Variants in LRRK2 observed in about 807,000 individuals in gnomAD.
The protein encoded by LRRK2 is leucine-rich repeat serine/threonine-protein kinase 2.
LRRK2 carries 203 observed loss-of-function variants against 302.6 expected under a neutral mutation model. The observed-to-expected ratio is 0.67, with a 90% CI of 0.60 to 0.75. The LOEUF (loss-of-function observed/expected upper bound fraction) is 0.75. Among genes scored for constraint, LRRK2 ranks in the 30% least tolerant of loss-of-function variants. The pLI, the probability that LRRK2 is intolerant of heterozygous loss-of-function variation, is 0.00. For missense variants in LRRK2, 2,830 were observed against 2,951.0 expected (o/e 0.96, Z 0.95); for synonymous variants, 1,066 against 1,031.9 (o/e 1.03, Z -0.63).
intron 39 of LRRK2, among the ~76,000 whole-genome samples, chr12:40,334,449 A>T (rs1027852147): frequency 1.3e-5 from 2 of 152,180 alleles, no homozygotes; most frequent in African/African-American, 2.4e-5. Context: ...CCCACTGTTG[A>T]CTGGAAGCTT....
intron 47 of LRRK2, among the ~76,000 whole-genome samples, chr12:40,362,991 A>G (rs372373666): frequency 1.3e-5 from 2 of 152,078 alleles, no homozygotes; most frequent in African/African-American, 4.8e-5. Context: ...CTCTAGGTAT[A>G]AAAGGCTAAC....
intron 5 of LRRK2, 89 bp from the exon 6 acceptor site, chr12:40,240,394 C>A: frequency 8.2e-7 from 1 of 1,212,164 alleles, no homozygotes; most frequent in Non-Finnish European, 1.2e-6. Flanking sequence ...ATGTATCTCA[C>A]ACAACTATAA....
At chr12:40,326,477 G>GA (rs561546782) in intron 38 of LRRK2, among the ~76,000 whole-genome samples, 20,103 of 116,824 alleles carry the variant, frequency 0.17, 1,801 homozygotes, top group Admixed American at 0.31. Flanking sequence ...AAAAAAAAAA[G>GA]AAAAAAAAAA....
chr12:40,331,916 C>T (rs1363886619), intron 39 of LRRK2, among the ~76,000 whole-genome samples: 1 of 152,192 alleles, frequency 6.6e-6, no homozygotes, highest in Non-Finnish European at 1.5e-5. Flanking sequence ...TTCAGAATGG[C>T]TTTTCCCATT....
At chr12:40,297,158 A>T (rs1198140559) in intron 23 of LRRK2, among the ~76,000 whole-genome samples, 1 of 152,178 alleles carries the variant, frequency 6.6e-6, no homozygotes, top group Non-Finnish European at 1.5e-5. Context: ...TACTTACTGA[A>T]TTGATTTGTG....
At chr12:40,314,268 A>G (rs1945135950) in intron 32 of LRRK2, 95 bp downstream of exon 32, 6 of 1,278,248 alleles carry the variant, frequency 4.7e-6, no homozygotes, top group Non-Finnish European at 6.7e-6. Flanking sequence ...CAAAGTTGAG[A>G]GAATATCCAT....
At chr12:40,229,245 T>G (rs981496855) in intron 2 of LRRK2, among the ~76,000 whole-genome samples, 3 of 152,146 alleles carry the variant, frequency 2.0e-5, no homozygotes, top group African/African-American at 7.2e-5. Flanking sequence ...TAGCTGGAAG[T>G]GCCAAAAGAA....
At chr12:40,352,304 G>A (rs537744844) in intron 44 of LRRK2, among the ~76,000 whole-genome samples, 3 of 152,238 alleles carry the variant, frequency 2.0e-5, no homozygotes, top group African/African-American at 4.8e-5. Context: ...TGGGGATGGC[G>A]TACCTGATGG....
At chr12:40,240,437 C>T in intron 5 of LRRK2, 46 bp from the exon 6 acceptor site, 1 of 1,562,270 alleles carries the variant, frequency 6.4e-7, no homozygotes, top group African/African-American at 1.4e-5. Context: ...ATTAAACTTT[C>T]ATATCATCTT....
intron 26 of LRRK2, among the ~76,000 whole-genome samples, chr12:40,303,290 CAGGTTTTTG>C: frequency 6.6e-6 from 1 of 152,078 alleles, no homozygotes; most frequent in South Asian, 2.1e-4. Context: ...TATGTAGTTC[CAGGTTTTTG>C]AGATATTTTG....
At chr12:40,276,303 C>A (rs780230262) in intron 16 of LRRK2, among the ~76,000 whole-genome samples, 5 of 151,908 alleles carry the variant, frequency 3.3e-5, no homozygotes, top group Non-Finnish European at 7.4e-5. Flanking sequence ...CAGGGTTTTG[C>A]TTTGTTTTTT....
chr12:40,340,901 C>A (rs1946019187), intron 41 of LRRK2, among the ~76,000 whole-genome samples: 1 of 152,144 alleles, frequency 6.6e-6, no homozygotes, highest in Non-Finnish European at 1.5e-5. Context: ...GGTGTCAAAA[C>A]CTAAGCAAGC....
At chr12:40,235,952 T>C (rs1015464132) in intron 4 of LRRK2, among the ~76,000 whole-genome samples, 2 of 152,042 alleles carry the variant, frequency 1.3e-5, no homozygotes, top group African/African-American at 4.8e-5. Flanking sequence ...TCTCCTTATC[T>C]CTTTTCTCTA....
chr12:40,351,354 T>C (rs1246744479), intron 43 of LRRK2, among the ~76,000 whole-genome samples, 185 bp from the exon 44 acceptor site: 1 of 152,172 alleles, frequency 6.6e-6, no homozygotes, highest in African/African-American at 2.4e-5. Flanking sequence ...TAAAAATACA[T>C]ATTTGTCTTT....
In LRRK2 at chr12:40,314,170, T is replaced by A. The variant is rs770620045; in HGVS notation, c.4735T>A (p.Ser1579Thr). The change falls in exon 32 of 51, where the codon TCA becomes ACA. Residue 1579 changes from serine to threonine, a missense_variant. Physicochemically the swap from Ser to Thr is moderately conservative, Grantham distance 58 (BLOSUM62 1). Coordinates refer to ENST00000298910, the MANE Select transcript of LRRK2 (RefSeq NM_198578.4). ...TCACGCAGTTCACTTTCTAAATGAA[T>A]CAGGTTTGTGTTTTTCGTTCCTTAT... is the stretch of plus-strand genomic sequence containing the variant. ...LPHAVHFLNE[S>T]GVLLHFQDPA... 1.2e-6 allele frequency: 2 copies of A among 1,612,022 alleles called. No homozygotes were observed. Among genetic ancestry groups the A allele is most frequent in the Admixed American group, 1.7e-5 (1 of 59,852 alleles).
intron 19 of LRRK2, among the ~76,000 whole-genome samples, chr12:40,285,764 C>T (rs1053145178): frequency 5.9e-5 from 9 of 151,396 alleles, no homozygotes; most frequent in African/African-American, 1.9e-4. Flanking sequence ...GAAAAAAAAA[C>T]GTGGAGCAAA....
At chr12:40,246,062 C>T (rs996698880) in intron 7 of LRRK2, among the ~76,000 whole-genome samples, 1 of 151,780 alleles carries the variant, frequency 6.6e-6, no homozygotes, top group African/African-American at 2.4e-5. Context: ...TTTTAATATT[C>T]TCCCATCCAA....
chr12:40,235,945 C>CTTATCT (rs1565668525), intron 4 of LRRK2, among the ~76,000 whole-genome samples: 20 of 151,808 alleles, frequency 1.3e-4, no homozygotes, highest in Non-Finnish European at 2.9e-4. Context: ...CATCTCTTCT[C>CTTATCT]CTTATCTCTT....
At chr12:40,304,304 TAAG>T (rs1944731486) in intron 27 of LRRK2, 170 bp downstream of exon 27, 1 of 644,640 alleles carries the variant, frequency 1.6e-6, no homozygotes, top group African/African-American at 1.8e-5. Flanking sequence ...AATTTAAAAA[TAAG>T]AACAGCTACT....
Sources: gnomAD v4.1 joint callset for allele counts (sites outside exome capture counted in the v4.1 genomes callset) on GRCh38, gnomAD v4.1.1 for gene constraint, MANE v1.5 for transcripts, NCBI Gene and HGNC (gene_info 2026-07-23, HGNC 2026-07-21) for gene names.